The following SS18 variants were observed in gnomAD, a reference collection of about 807,000 sequenced individuals.
The protein encoded by SS18 is SS18 subunit of BAF chromatin remodeling complex, also known as protein SSXT.
SS18 carries 28 observed loss-of-function variants against 72.5 expected under a neutral mutation model. The observed-to-expected ratio is 0.39, with a 90% CI of 0.29 to 0.53. The LOEUF (loss-of-function observed/expected upper bound fraction) is 0.53. Among genes scored for constraint, SS18 ranks in the 20% least tolerant of loss-of-function variants. The pLI, the probability that SS18 is intolerant of heterozygous loss-of-function variation, is 0.76. For synonymous variants in SS18, 172 were observed against 164.2 expected, an observed-to-expected ratio of 1.05 and a Z score of -0.37; for missense variants, 518 against 535.3, an observed-to-expected ratio of 0.97 and a Z score of 0.32.
intron 7 of SS18, among the ~76,000 whole-genome samples, chr18:26,036,353 A>G (rs1294822298): frequency 6.6e-6 from 1 of 152,220 alleles, no homozygotes; most frequent in Non-Finnish European, 1.5e-5. Flanking sequence ...TGCAAAATAT[A>G]AAAGAGTTCC....
chr18:26,061,982 C>T (rs932539657), intron 3 of SS18, among the ~76,000 whole-genome samples: 1 of 152,034 alleles, frequency 6.6e-6, no homozygotes, highest in African/African-American at 2.4e-5. Flanking sequence ...TAGGTTAGGC[C>T]GGGTGAGGTG....
chr18:26,073,353 A>C (rs952753593), intron 3 of SS18, among the ~76,000 whole-genome samples: 2 of 152,216 alleles, frequency 1.3e-5, no homozygotes, highest in African/African-American at 4.8e-5. Flanking sequence ...TAGAAAGGTG[A>C]AAATTGATGA....
chr18:26,055,274 C>T (rs1205289201), intron 4 of SS18, among the ~76,000 whole-genome samples: 2 of 151,942 alleles, frequency 1.3e-5, no homozygotes, highest in Admixed American at 6.5e-5. Context: ...TGAGACCAGC[C>T]TGGCCAACAT....
At chr18:26,040,188 C>A (rs1469167623) in intron 5 of SS18, among the ~76,000 whole-genome samples, 1 of 152,206 alleles carries the variant, frequency 6.6e-6, no homozygotes, top group Non-Finnish European at 1.5e-5. Flanking sequence ...GAAATCTGAA[C>A]TACAGAGTTT....
chr18:26,053,413 AAAT>A (rs143789077), intron 4 of SS18, among the ~76,000 whole-genome samples: 8,871 of 151,050 alleles, frequency 0.059, 780 homozygotes, highest in African/African-American at 0.19. Flanking sequence ...AGAATTTTAA[AAAT>A]AATAATGGAA....
At chr18:26,046,191 CAA>C (rs760639087) in intron 5 of SS18, among the ~76,000 whole-genome samples, 4,769 of 44,726 alleles carry the variant, frequency 0.11, 167 homozygotes, top group African/African-American at 0.25. Flanking sequence ...GACTCCGTCT[CAA>C]AAAAAAAAAA....
intron 3 of SS18, among the ~76,000 whole-genome samples, chr18:26,076,460 A>C (rs1470677633): frequency 6.6e-6 from 1 of 151,944 alleles, no homozygotes; most frequent in Middle Eastern, 3.2e-3. Flanking sequence ...ATCCACATGG[A>C]AACAAATGAA....
chr18:26,050,184 G>A (rs575191734), intron 5 of SS18, among the ~76,000 whole-genome samples: 57 of 151,402 alleles, frequency 3.8e-4, no homozygotes, highest in African/African-American at 1.2e-3. Flanking sequence ...GCAGTGAGCC[G>A]AGACTGCACT....
chr18:26,057,379 G>C (rs2054039473), intron 4 of SS18, among the ~76,000 whole-genome samples: 1 of 152,146 alleles, frequency 6.6e-6, no homozygotes, highest in African/African-American at 2.4e-5. Context: ...CAGAGGAATG[G>C]TGTGTGTCAG....
chr18:26,061,866 T>C (rs1286749459), intron 3 of SS18, among the ~76,000 whole-genome samples: 1 of 152,210 alleles, frequency 6.6e-6, no homozygotes, highest in East Asian at 1.9e-4. Flanking sequence ...AATGGAAAAG[T>C]ATATGTGGAT....
intron 5 of SS18, among the ~76,000 whole-genome samples, chr18:26,040,083 G>T (rs556433727): frequency 6.6e-6 from 1 of 152,142 alleles, no homozygotes; most frequent in African/African-American, 2.4e-5. Flanking sequence ...AAATCAAATG[G>T]CTATACTGCT....
intron 2 of SS18, among the ~76,000 whole-genome samples, chr18:26,083,872 C>G (rs1414647259): frequency 6.6e-6 from 1 of 152,052 alleles, no homozygotes; most frequent in East Asian, 1.9e-4. Flanking sequence ...TTTTAAAGAA[C>G]ATTCTCAAAT....
At chr18:26,049,994 C>T (rs1308615758) in intron 5 of SS18, among the ~76,000 whole-genome samples, 1 of 152,204 alleles carries the variant, frequency 6.6e-6, no homozygotes, top group African/African-American at 2.4e-5. Flanking sequence ...CGCCTGTAAT[C>T]CCAACACTTC....
At chr18:26,025,622 C>T (rs1482115790) in intron 10 of SS18, among the ~76,000 whole-genome samples, 1 of 151,882 alleles carries the variant, frequency 6.6e-6, no homozygotes, top group Admixed American at 6.6e-5. Flanking sequence ...GAAAAACACA[C>T]AAAACATTTA....
intron 3 of SS18, among the ~76,000 whole-genome samples, chr18:26,073,424 G>A (rs2054351875): frequency 6.6e-6 from 1 of 151,966 alleles, no homozygotes; most frequent in South Asian, 2.1e-4. Context: ...AAAGTAAAAG[G>A]GAGAAAATCA....
intron 10 of SS18, among the ~76,000 whole-genome samples, chr18:26,022,663 G>A (rs1205183952): frequency 6.6e-6 from 1 of 152,184 alleles, no homozygotes; most frequent in African/African-American, 2.4e-5. Context: ...AGAGTCTGGA[G>A]AGAAAAAGGT....
Position 26,090,550 on chromosome 18 carries a change from G to A in SS18, c.20C>T (p.Ala7Val). The change falls in exon 1 of 11, where the codon GCC becomes GTC. Residue 7 changes from alanine to valine, a missense_variant. By Grantham distance (64) the Ala-to-Val change is moderately conservative. Coordinates refer to ENST00000415083, the MANE Select transcript of SS18 (RefSeq NM_001007559.3). MSVAFA[A>V]PRQRGKGEIT... ...CTCCCCCTTGCCTCGCTGCCTCGGG[G>A]CCGCGAAAGCCACAGACATGTTGCC... The A allele has an allele frequency of 1.3e-6, 2 of 1,587,620 alleles. No homozygotes were observed. Among genetic ancestry groups the A allele is most frequent in the Non-Finnish European group, 1.7e-6 (2 of 1,167,742 alleles).
At chr18:26,071,155 T>C (rs1013295532) in intron 3 of SS18, among the ~76,000 whole-genome samples, 2 of 152,158 alleles carry the variant, frequency 1.3e-5, no homozygotes, top group African/African-American at 2.4e-5. Context: ...TGGAGTCTTA[T>C]GGAAGAATTA....
intron 10 of SS18, among the ~76,000 whole-genome samples, chr18:26,025,907 G>A (rs2053437950): frequency 6.6e-6 from 1 of 151,412 alleles, no homozygotes; most frequent in South Asian, 2.1e-4. Flanking sequence ...AAACACAGAT[G>A]TTCCTTGACT....
Sources: gnomAD v4.1 joint callset for allele counts (sites outside exome capture counted in the v4.1 genomes callset) on GRCh38, gnomAD v4.1.1 for gene constraint, MANE v1.5 for transcripts, NCBI Gene and HGNC (gene_info 2026-07-23, HGNC 2026-07-21) for gene names.